TAS2R1: variants seen among roughly 807,000 people sequenced by gnomAD.
The protein encoded by TAS2R1 is taste 2 receptor member 1.
For missense variants in TAS2R1, 370 were observed against 353.4 expected (o/e 1.05, Z -0.38); for synonymous variants, 141 against 134.2 (o/e 1.05, Z -0.35).
the TAS2R1 span, among the ~76,000 whole-genome samples, chr5:9,802,860 G>A: frequency 1.2e-4 from 18 of 152,176 alleles, no homozygotes; most frequent in African/African-American, 3.6e-4. Flanking sequence ...CCGAGATCGC[G>A]CCACTGCACT....
chr5:9,885,852 GCA>G, the TAS2R1 span, among the ~76,000 whole-genome samples: 2 of 151,790 alleles, frequency 1.3e-5, no homozygotes, highest in Admixed American at 6.6e-5. Flanking sequence ...AACAAAACTC[GCA>G]CAGTGATCAT....
chr5:9,888,167 T>C, the TAS2R1 span, among the ~76,000 whole-genome samples: 62 of 152,012 alleles, frequency 4.1e-4, no homozygotes, highest in African/African-American at 1.5e-3. Context: ...CCAGATCCTC[T>C]TTCCCCTCCA....
the TAS2R1 span, among the ~76,000 whole-genome samples, chr5:9,733,036 A>G: frequency 6.6e-6 from 1 of 152,218 alleles, no homozygotes; most frequent in Non-Finnish European, 1.5e-5. Context: ...GATCTTAAAC[A>G]CATCTGCAAG....
At chr5:9,681,294 G>A (rs1382370571) in intron 1 of TAS2R1, among the ~76,000 whole-genome samples, 1 of 151,694 alleles carries the variant, frequency 6.6e-6, no homozygotes, top group Non-Finnish European at 1.5e-5. Flanking sequence ...TGGGGCATAT[G>A]GGGACCCTCT....
At chr5:9,749,367 G>T in the TAS2R1 span, among the ~76,000 whole-genome samples, 21 of 152,194 alleles carry the variant, frequency 1.4e-4, no homozygotes, top group African/African-American at 4.6e-4. Context: ...GGATAAAAAA[G>T]AGTGATCAAT....
At chr5:9,897,255 C>A in the TAS2R1 span, among the ~76,000 whole-genome samples, 69 of 152,236 alleles carry the variant, frequency 4.5e-4, no homozygotes, top group African/African-American at 1.5e-3. Flanking sequence ...TCCAGACCAG[C>A]CTGGCCAATA....
chr5:9,665,029 G>T (rs1346176299), intron 1 of TAS2R1, among the ~76,000 whole-genome samples: 2 of 152,188 alleles, frequency 1.3e-5, no homozygotes, highest in African/African-American at 4.8e-5. Context: ...AGTTCTGCCA[G>T]TCAGGAGTCC....
chr5:9,854,884 A>G, the TAS2R1 span, among the ~76,000 whole-genome samples: 1 of 152,234 alleles, frequency 6.6e-6, no homozygotes, highest in South Asian at 2.1e-4. Context: ...AAAAGATTTG[A>G]GTTGCCATTT....
intron 1 of TAS2R1, among the ~76,000 whole-genome samples, chr5:9,707,419 C>T (rs1741638827): frequency 6.6e-6 from 1 of 152,158 alleles, no homozygotes; most frequent in South Asian, 2.1e-4. Flanking sequence ...CTTAAAAGAC[C>T]AGAGAACTAT....
At chr5:9,823,634 AAGGAAGGGAGGGAAAGGG>A in the TAS2R1 span, among the ~76,000 whole-genome samples, 82 of 115,724 alleles carry the variant, frequency 7.1e-4, no homozygotes, top group Non-Finnish European at 1.2e-3. Flanking sequence ...GAAAGGGAGG[AAGGAAGGGAGGGAAAGGG>A]AGGAAGGGAG....
At chr5:9,729,966 G>A in the TAS2R1 span, among the ~76,000 whole-genome samples, 582 of 152,254 alleles carry the variant, frequency 3.8e-3, 4 homozygotes, top group African/African-American at 0.013. Flanking sequence ...CTGGTGGAAT[G>A]GTAGATAAAG....
chr5:9,884,836 T>A, the TAS2R1 span, among the ~76,000 whole-genome samples: 2 of 152,246 alleles, frequency 1.3e-5, no homozygotes, highest in Non-Finnish European at 2.9e-5. Flanking sequence ...AAAATAATCA[T>A]CTCTTTTTAT....
chr5:9,826,503 T>G, the TAS2R1 span, among the ~76,000 whole-genome samples: 2 of 152,216 alleles, frequency 1.3e-5, no homozygotes, highest in Non-Finnish European at 2.9e-5. Flanking sequence ...CTTGCACTTT[T>G]TATTTTTACA....
chr5:9,696,133 CAAAAA>C (rs1037319979), intron 1 of TAS2R1, among the ~76,000 whole-genome samples: 2 of 150,582 alleles, frequency 1.3e-5, no homozygotes, highest in Non-Finnish European at 3.0e-5. Flanking sequence ...AGTCAATATT[CAAAAA>C]AAAATTTTAG....
intron 1 of TAS2R1, among the ~76,000 whole-genome samples, chr5:9,701,480 A>G (rs1412383302): frequency 6.6e-6 from 1 of 152,132 alleles, no homozygotes; most frequent in Non-Finnish European, 1.5e-5. Context: ...ACTCCTCCTC[A>G]GTATCTTACA....
the TAS2R1 span, among the ~76,000 whole-genome samples, chr5:9,725,851 A>C: frequency 1.4e-5 from 2 of 140,592 alleles, no homozygotes; most frequent in Non-Finnish European, 2.9e-5. Context: ...AAATACACCA[A>C]TCAGCAGCCT....
chr5:9,757,558 T>C, the TAS2R1 span, among the ~76,000 whole-genome samples: 1 of 152,320 alleles, frequency 6.6e-6, no homozygotes, highest in Non-Finnish European at 1.5e-5. Flanking sequence ...TGACATTTAT[T>C]AACATGATAT....
chr5:9,684,753 GATAGAT>G (rs1371931080), intron 1 of TAS2R1, among the ~76,000 whole-genome samples: 1 of 151,992 alleles, frequency 6.6e-6, no homozygotes, highest in Admixed American at 6.6e-5. Flanking sequence ...TATTTGAAAT[GATAGAT>G]ATAATTACCC....
the TAS2R1 span, among the ~76,000 whole-genome samples, chr5:9,880,732 AG>A: frequency 6.6e-6 from 1 of 152,246 alleles, no homozygotes; most frequent in Non-Finnish European, 1.5e-5. Context: ...TAATTACTAA[AG>A]GCAAAAGCAG....
Sources: gnomAD v4.1 joint callset for allele counts (sites outside exome capture counted in the v4.1 genomes callset) on GRCh38, gnomAD v4.1.1 for gene constraint, MANE v1.5 for transcripts, NCBI Gene and HGNC (gene_info 2026-07-23, HGNC 2026-07-21) for gene names.